Variants in XYLT1 observed in about 807,000 individuals in gnomAD.
XYLT1 encodes xylosyltransferase 1.
In XYLT1, 36 loss-of-function variants were observed where a neutral mutation model predicts 91.3. The ratio of observed to expected loss-of-function variants is 0.39; its 90% CI spans 0.30 to 0.52. XYLT1 has a LOEUF of 0.52. Ranked by LOEUF, XYLT1 falls within the 20% of genes least tolerant of loss-of-function variation. The pLI is 0.68. For synonymous variants in XYLT1, 588 were observed against 532.0 expected (o/e 1.11, Z -1.45); for missense variants, 1,242 against 1,284.5 (o/e 0.97, Z 0.51).
intron 1 of XYLT1, among the ~76,000 whole-genome samples, chr16:17,358,351 G>A (rs190340167): frequency 6.6e-6 from 1 of 152,110 alleles, no homozygotes; most frequent in East Asian, 1.9e-4. Context: ...TTCCCAGGCT[G>A]TTCTCCAACA....
At chr16:17,273,810 C>T (rs1274485542) in intron 2 of XYLT1, among the ~76,000 whole-genome samples, 1 of 145,660 alleles carries the variant, frequency 6.9e-6, no homozygotes, top group African/African-American at 2.6e-5. Context: ...TGCCACTGCA[C>T]TCCAGCCTAG....
chr16:17,403,731 A>G (rs1427580974), intron 1 of XYLT1, among the ~76,000 whole-genome samples: 1 of 152,090 alleles, frequency 6.6e-6, no homozygotes, highest in African/African-American at 2.4e-5. Flanking sequence ...CTGTATCACT[A>G]CTCTACTGCA....
At chr16:17,307,165 G>A (rs555625209) in intron 2 of XYLT1, among the ~76,000 whole-genome samples, 3 of 152,216 alleles carry the variant, frequency 2.0e-5, no homozygotes, top group South Asian at 2.1e-4. Context: ...TGTAACCTCC[G>A]CCTCCCGGGT....
rs891414447 is a variant in XYLT1, at chr16:17,219,063, C to T, written c.914-18409G>A. On this transcript the variant is annotated intron_variant, in intron 3 of 11. Transcript: ENST00000261381. Reference sequence around the variant, plus strand: ...TTTGGAGGCCAAGGTGGGTGGATCACCTGAGGTCAAGAGTTCAAGACCATC... The same window carrying T: ...TTTGGAGGCCAAGGTGGGTGGATCATCTGAGGTCAAGAGTTCAAGACCATC... Among the ~76,000 whole-genome samples the T allele has an allele frequency of 2.0e-5, 3 of 152,034 alleles. No homozygotes were observed. In the East Asian group the frequency reaches 5.8e-4, roughly 30 times the overall value.
intron 1 of XYLT1, among the ~76,000 whole-genome samples, chr16:17,384,978 T>C (rs1353687556): frequency 1.3e-5 from 2 of 151,776 alleles, no homozygotes; most frequent in South Asian, 4.1e-4. Flanking sequence ...GGGGCGACAG[T>C]TAGTGCTGTC....
chr16:17,184,665 A>C (rs2032145369), intron 5 of XYLT1, among the ~76,000 whole-genome samples: 1 of 152,190 alleles, frequency 6.6e-6, no homozygotes. Flanking sequence ...CTTATAGAAC[A>C]TTTCCATCAC....
chr16:17,255,747 C>T (rs747127885), intron 3 of XYLT1, among the ~76,000 whole-genome samples: 7 of 151,994 alleles, frequency 4.6e-5, no homozygotes, highest in Non-Finnish European at 1.0e-4. Flanking sequence ...GTGGCTCATG[C>T]CTGTAATCCC....
intron 1 of XYLT1, among the ~76,000 whole-genome samples, chr16:17,439,723 T>C (rs2036509261): frequency 1.3e-5 from 2 of 152,208 alleles, no homozygotes; most frequent in African/African-American, 4.8e-5. Context: ...AGAAAGGTGA[T>C]AAAGATGTGC....
rs564993810 is a variant in XYLT1 at position 17,189,973 on chromosome 16, G to A, written c.1289+8239C>T. Among the ~76,000 whole-genome samples, 4 of 152,310 alleles carry A rather than the reference G, an allele frequency of 2.6e-5. No homozygotes were observed. In the South Asian group the frequency reaches 8.3e-4, roughly 32 times the overall value. ...AGCCAGGAGAATCTCTTGAACTTGG[G>A]AGGCAGAGGTTGCAGTGAGCCAAGA... On this transcript the variant is annotated intron_variant, in intron 5 of 11. Coordinates refer to ENST00000261381, the MANE Select transcript of XYLT1 (RefSeq NM_022166.4).
At chr16:17,432,039 C>A (rs770772557) in intron 1 of XYLT1, among the ~76,000 whole-genome samples, 1 of 151,918 alleles carries the variant, frequency 6.6e-6, no homozygotes, top group African/African-American at 2.4e-5. Flanking sequence ...TCACACACAG[C>A]GGTATTTAAT....
chr16:17,270,734 A>T (rs1453254751), intron 2 of XYLT1, among the ~76,000 whole-genome samples: 1 of 152,170 alleles, frequency 6.6e-6, no homozygotes, highest in African/African-American at 2.4e-5. Flanking sequence ...GGTCAGCAAA[A>T]CACCCTACCA....
chr16:17,155,705 G>A (rs2031389051), intron 6 of XYLT1, among the ~76,000 whole-genome samples: 1 of 152,168 alleles, frequency 6.6e-6, no homozygotes, highest in South Asian at 2.1e-4. Context: ...CGGTAAATGA[G>A]AAAATCCCAG....
At chr16:17,138,300 A>G in intron 8 of XYLT1, 55 bp downstream of exon 8, 1 of 1,583,238 alleles carries the variant, frequency 6.3e-7, no homozygotes, top group Middle Eastern at 2.2e-4. Context: ...ATTTCTGCAG[A>G]GGTTTGTTGG....
At chr16:17,162,397 G>A (rs1480427994) in intron 5 of XYLT1, among the ~76,000 whole-genome samples, 2 of 110,166 alleles carry the variant, frequency 1.8e-5, no homozygotes, top group Non-Finnish European at 3.7e-5. Context: ...GTGAAAGAGT[G>A]AGACTCTGTC....
At position 17,113,152 on chromosome 16, in the gene XYLT1, T is replaced by C. The variant is rs1346053434; in HGVS notation, c.2558-4135A>G. Among the ~76,000 whole-genome samples, 3 of 147,388 alleles carry C rather than the reference T, an allele frequency of 2.0e-5. No individual in the cohort carries two copies. The South Asian group carries it at 6.5e-4, about 32-fold the overall frequency. ...CCGTGTCTGGCCTATTTATTTATTG[T>C]TTTGGAGATGATAGAGTCTCGCTCT... On this transcript the variant is annotated intron_variant, in intron 11 of 11. Coordinates refer to ENST00000261381, the MANE Select transcript of XYLT1 (RefSeq NM_022166.4).
chr16:17,222,230 C>T (rs1169863708), intron 3 of XYLT1, among the ~76,000 whole-genome samples: 1 of 152,150 alleles, frequency 6.6e-6, no homozygotes, highest in African/African-American at 2.4e-5. Flanking sequence ...TAAGTTATGC[C>T]CTAAGCCAGC....
At chr16:17,395,620 T>G (rs1361459177) in intron 1 of XYLT1, among the ~76,000 whole-genome samples, 1 of 131,102 alleles carries the variant, frequency 7.6e-6, no homozygotes, top group Non-Finnish European at 1.6e-5. Context: ...ATTATAATAC[T>G]TTGAGCTCTG....
intron 2 of XYLT1, among the ~76,000 whole-genome samples, chr16:17,285,886 G>C (rs1285847107): frequency 9.7e-5 from 5 of 51,716 alleles, no homozygotes; most frequent in African/African-American, 6.5e-4. Context: ...GTGTGTGTGT[G>C]TGTGTGTGTG....
intron 3 of XYLT1, among the ~76,000 whole-genome samples, chr16:17,225,177 A>ACACTCTCTCT (rs150256998): frequency 6.6e-4 from 98 of 147,458 alleles, no homozygotes; most frequent in African/African-American, 2.3e-3. Context: ...ACACACACAC[A>ACACTCTCTCT]CTCTCTCTCT....
Sources: gnomAD v4.1 joint callset for allele counts (sites outside exome capture counted in the v4.1 genomes callset) on GRCh38, gnomAD v4.1.1 for gene constraint, MANE v1.5 for transcripts, NCBI Gene and HGNC (gene_info 2026-07-23, HGNC 2026-07-21) for gene names.